The following NR6A1 variants were observed in gnomAD, a reference collection of about 807,000 sequenced individuals.
The protein encoded by NR6A1 is retinoic acid receptor-related testis-associated receptor.
Under a neutral mutation model 59.1 loss-of-function variants are expected in NR6A1, and 7 were observed. The observed-to-expected ratio is 0.12, with a 90% CI of 0.07 to 0.22. The LOEUF (loss-of-function observed/expected upper bound fraction) is 0.22. Among genes scored for constraint, NR6A1 ranks in the 10% least tolerant of loss-of-function variants. The pLI, the probability that NR6A1 is intolerant of heterozygous loss-of-function variation, is 1.00. For synonymous variants in NR6A1, 243 were observed against 236.1 expected, an observed-to-expected ratio of 1.03 and a Z score of -0.27; for missense variants, 468 against 611.6, an observed-to-expected ratio of 0.77 and a Z score of 2.48.
chr9:124,670,172 G>A (rs11795019), intron 2 of NR6A1, among the ~76,000 whole-genome samples: 8,888 of 149,780 alleles, frequency 0.059, 368 homozygotes, highest in Middle Eastern at 0.094. Context: ...TTGAAGCCAG[G>A]AGTTTGAGAC....
chr9:124,625,479 A>C (rs1347396903), intron 2 of NR6A1, among the ~76,000 whole-genome samples: 4 of 152,098 alleles, frequency 2.6e-5, no homozygotes, highest in Non-Finnish European at 5.9e-5. Flanking sequence ...GGTATGCGCC[A>C]CCATGTCTGG....
At chr9:124,751,928 T>C (rs1201266590) in intron 1 of NR6A1, among the ~76,000 whole-genome samples, 1 of 152,206 alleles carries the variant, frequency 6.6e-6, no homozygotes, top group Admixed American at 6.5e-5. Flanking sequence ...ACAACAGGAT[T>C]ACAAAATTCC....
intron 2 of NR6A1, among the ~76,000 whole-genome samples, chr9:124,561,497 C>T (rs10739650): frequency 0.48 from 73,111 of 151,978 alleles, 17,776 homozygotes; most frequent in Admixed American, 0.59. Flanking sequence ...ATAGATTACC[C>T]ATAAATGACA....
chr9:124,623,689 C>T (rs1035511202), intron 2 of NR6A1, among the ~76,000 whole-genome samples: 3 of 152,126 alleles, frequency 2.0e-5, no homozygotes, highest in African/African-American at 7.2e-5. Context: ...AATATCCTGT[C>T]TTAATTTCTC....
chr9:124,600,009 T>C (rs1835402783), intron 2 of NR6A1, among the ~76,000 whole-genome samples: 1 of 152,122 alleles, frequency 6.6e-6, no homozygotes, highest in Non-Finnish European at 1.5e-5. Context: ...AGACAGCAAA[T>C]CTAGTGGCCA....
chr9:124,670,170 A>T (rs1212621595), intron 2 of NR6A1, among the ~76,000 whole-genome samples: 1 of 151,282 alleles, frequency 6.6e-6, no homozygotes, highest in East Asian at 1.9e-4. Flanking sequence ...GCTTGAAGCC[A>T]GGAGTTTGAG....
intron 2 of NR6A1, among the ~76,000 whole-genome samples, chr9:124,627,869 G>A (rs1408385338): frequency 7.0e-6 from 1 of 141,980 alleles, no homozygotes; most frequent in Non-Finnish European, 1.5e-5. Flanking sequence ...CACCATGCCT[G>A]GTCTGAGATT....
intron 2 of NR6A1, among the ~76,000 whole-genome samples, chr9:124,666,710 G>A (rs574405106): frequency 7.9e-5 from 12 of 152,226 alleles, no homozygotes; most frequent in South Asian, 2.1e-4. Flanking sequence ...TCATTCAAAG[G>A]ATATCTGTTG....
At chr9:124,647,992 C>CACA (rs556094808) in intron 2 of NR6A1, among the ~76,000 whole-genome samples, 1 of 152,002 alleles carries the variant, frequency 6.6e-6, no homozygotes, top group African/African-American at 2.4e-5. Flanking sequence ...AAGCCAAAGA[C>CACA]ACAACAACAA....
intron 9 of NR6A1, among the ~76,000 whole-genome samples, chr9:124,523,557 T>A (rs375397702): frequency 7.9e-5 from 12 of 151,936 alleles, no homozygotes; most frequent in Non-Finnish European, 1.6e-4. Context: ...TGATTGGAAG[T>A]GCCGCCAAGG....
At chr9:124,599,576 GCCAT>G in intron 2 of NR6A1, 1 of 1,070,876 alleles carries the variant, frequency 9.3e-7, no homozygotes, top group African/African-American at 1.7e-5. Flanking sequence ...CGTGGCAGCC[GCCAT>G]GAGGGCGCGG....
rs533379872 is a variant in NR6A1 at position 124,520,755 on chromosome 9, T to C, written c.*1950A>G. The stretch of plus-strand genomic sequence containing the variant: ...GTTAAATAAAATTCAGGGGAACAAG[T>C]ATCGTGAACTTAGAAATAAACAGAT... On this transcript the variant is annotated 3_prime_UTR_variant, in exon 10 of 10. Transcript: ENST00000487099. 6.6e-6 allele frequency: 1 copy of C among 152,212 alleles called. No homozygotes were observed. Among genetic ancestry groups the C allele is most frequent in the Admixed American group, 6.5e-5 (1 of 15,286 alleles). 9.4% of individuals were successfully genotyped at this position (152,212 alleles called of 1,614,324 possible).
chr9:124,742,006 G>A (rs1840184605), intron 1 of NR6A1, among the ~76,000 whole-genome samples: 1 of 152,192 alleles, frequency 6.6e-6, no homozygotes, highest in African/African-American at 2.4e-5. Flanking sequence ...ATATTTAGAG[G>A]AAGCAGCATG....
chr9:124,625,871 C>A (rs1836227199), intron 2 of NR6A1, among the ~76,000 whole-genome samples: 1 of 152,188 alleles, frequency 6.6e-6, no homozygotes, highest in Non-Finnish European at 1.5e-5. Flanking sequence ...AGAGAACTCT[C>A]CAGCAGCCTG....
chr9:124,572,797 T>C (rs1201837494), intron 2 of NR6A1, among the ~76,000 whole-genome samples: 1 of 152,186 alleles, frequency 6.6e-6, no homozygotes, highest in Non-Finnish European at 1.5e-5. Context: ...AAGAGCACTG[T>C]GGACATGACA....
chr9:124,651,958 T>C (rs1429011956), intron 2 of NR6A1, among the ~76,000 whole-genome samples: 1 of 152,034 alleles, frequency 6.6e-6, no homozygotes, highest in Non-Finnish European at 1.5e-5. Context: ...GCCAATCTAA[T>C]TTAAGTCCAA....
chr9:124,624,552 C>T (rs553755832), intron 2 of NR6A1, among the ~76,000 whole-genome samples: 1 of 152,318 alleles, frequency 6.6e-6, no homozygotes, highest in African/African-American at 2.4e-5. Flanking sequence ...TGTGCAGAGA[C>T]AGAACGCTGG....
chr9:124,686,294 T>G (rs972106799), intron 2 of NR6A1, among the ~76,000 whole-genome samples: 5 of 152,222 alleles, frequency 3.3e-5, no homozygotes, highest in Non-Finnish European at 5.9e-5. Flanking sequence ...TTGAGTTCTT[T>G]GGTAACTGTT....
rs11346749 is a variant in NR6A1, at chr9:124,601,583, CAA to C, written c.143-47015_143-47014del. On this transcript the variant is annotated intron_variant, in intron 2 of 9. Coordinates refer to ENST00000487099, the MANE Select transcript of NR6A1 (RefSeq NM_033334.4). Reference sequence around the variant, plus strand: ...TGGGCGACAGAGGGAGACTCTGTGTCAAAAAAAAAAAAAAAAGAAAGAAAAAA... The same window carrying C: ...TGGGCGACAGAGGGAGACTCTGTGTCAAAAAAAAAAAAAAGAAAGAAAAAA... Among the ~76,000 whole-genome samples the C allele has an allele frequency of 5.9e-3, 530 of 89,962 alleles. 3 individuals carry two copies. The highest frequency in any genetic ancestry group is 0.018 in the African/African-American group (435 of 23,804). The allele number at this position is 89,962 out of a possible 152,430, so 59.0% of individuals were successfully genotyped here. A position where few individuals can be genotyped will look rare whatever the true frequency, so the allele number is the denominator to read the frequency against.
Sources: allele counts gnomAD v4.1 joint callset (sites outside exome capture counted in the v4.1 genomes callset), GRCh38; gene constraint gnomAD v4.1.1; transcripts MANE v1.5; gene names NCBI Gene and HGNC (gene_info 2026-07-23, HGNC 2026-07-21).